IKZF4: variants seen among roughly 807,000 people sequenced by gnomAD.
The protein encoded by IKZF4 is zinc finger protein Eos.
Under a neutral mutation model 47.7 loss-of-function variants are expected in IKZF4, and 11 were observed. The observed-to-expected ratio is 0.23, with a 90% CI of 0.15 to 0.38. IKZF4 has a LOEUF of 0.38. Ranked by LOEUF, IKZF4 falls within the 10% of genes least tolerant of loss-of-function variation. The pLI is 1.00. For synonymous variants in IKZF4, 298 were observed against 299.4 expected, an observed-to-expected ratio of 1.00 and a Z score of 0.05; for missense variants, 557 against 784.9, an observed-to-expected ratio of 0.71 and a Z score of 3.47.
At chr12:56,028,516 G>A (rs1282556074) in intron 5 of IKZF4, among the ~76,000 whole-genome samples, 1 of 119,806 alleles carries the variant, frequency 8.3e-6, no homozygotes, top group Non-Finnish European at 1.6e-5. Context: ...CTGGGCGACT[G>A]AGCGACACTC....
intron 1 of IKZF4, among the ~76,000 whole-genome samples, chr12:56,022,515 A>G (rs1343143670): frequency 1.3e-5 from 2 of 152,148 alleles, no homozygotes; most frequent in African/African-American, 4.8e-5. Flanking sequence ...TGAGAGAGGA[A>G]CTGTTAAACT....
intron 1 of IKZF4, among the ~76,000 whole-genome samples, chr12:56,022,636 C>G (rs1269254232): frequency 6.6e-6 from 1 of 152,018 alleles, no homozygotes; most frequent in Non-Finnish European, 1.5e-5. Context: ...ATATTTTAGC[C>G]CCATGAAAGT....
intron 5 of IKZF4, among the ~76,000 whole-genome samples, chr12:56,029,049 C>G (rs568120560): frequency 6.6e-6 from 1 of 152,292 alleles, no homozygotes; most frequent in Admixed American, 6.5e-5. Flanking sequence ...CTTGAGCAAC[C>G]AGTCTGTCCT....
upstream of IKZF4, among the ~76,000 whole-genome samples, chr12:56,019,872 C>T (rs1892617923): frequency 6.6e-6 from 1 of 152,226 alleles, no homozygotes; most frequent in Admixed American, 6.5e-5. Flanking sequence ...GGCCTCTGCA[C>T]AGGATGGTTT....
intron 2 of IKZF4, chr12:56,011,626 G>GCTGA (rs1408862333): frequency 6.6e-6 from 1 of 152,174 alleles, no homozygotes; most frequent in Non-Finnish European, 1.5e-5. Context: ...GGATAATGAA[G>GCTGA]CTGAGCTGTC....
intron 5 of IKZF4, chr12:56,032,332 G>A: frequency 2.1e-6 from 1 of 487,312 alleles, no homozygotes; most frequent in Non-Finnish European, 3.7e-6. Context: ...GAAGCCACAT[G>A]CCCTAGGATT....
In IKZF4 at chr12:56,014,538, C is replaced by A. The variant is rs1463687095; in HGVS notation, c.-214+3044C>A. On this transcript the variant is annotated intron_variant, in intron 2 of 11. Transcript: ENST00000262032. ...CACACAAAATAATATGAGCATATTT[C>A]TTCCTGTAGAGCCAGCTCGACTTGT... Among the ~76,000 whole-genome samples the A allele has an allele frequency of 2.6e-5, 4 of 152,280 alleles. No homozygotes were observed. The East Asian group carries it at 7.7e-4, about 29-fold the overall frequency.
At chr12:56,025,026 T>A in intron 2 of IKZF4, 28 bp from the exon 3 acceptor site, 1 of 1,560,742 alleles carries the variant, frequency 6.4e-7, no homozygotes, top group Non-Finnish European at 8.7e-7. Flanking sequence ...GCTCCAGCTT[T>A]ACCTGCCCTC....
intron 5 of IKZF4, among the ~76,000 whole-genome samples, chr12:56,028,308 G>A (rs958371087): frequency 1.3e-5 from 2 of 151,576 alleles, no homozygotes; most frequent in Admixed American, 1.3e-4. Flanking sequence ...GGCGGATCAC[G>A]AGGTCAGGAG....
rs201882862 is a variant in IKZF4 at position 56,021,508 on chromosome 12, C to T, written c.15C>T (p.Pro5=). 27 of 1,604,906 alleles carry T rather than the reference C, an allele frequency of 1.7e-5. No homozygotes were observed. Among genetic ancestry groups the T allele is most frequent in the East Asian group, 4.5e-5 (2 of 44,256 alleles). The part of the protein sequence containing the change: MHTP[P]ALPRRFQGGG... ...GAGACGCAGACATGCATACACCACC[C>T]GCACTCCCTCGCCGTTTCCAAGGCG... The change falls in exon 1 of 8, where the codon CCC becomes CCT. Residue 5 remains proline, a synonymous_variant. Transcript: ENST00000547167.
At position 56,015,542 on chromosome 12, in the gene IKZF4, T is replaced by C. The variant is rs557961574; in HGVS notation, c.-213-2584T>C. 6.6e-5 allele frequency among the ~76,000 whole-genome samples: 10 copies of C among 151,784 alleles called. No homozygotes were observed. The South Asian group carries it at 2.1e-3, about 32-fold the overall frequency. On this transcript the variant is annotated intron_variant, in intron 2 of 11. Coordinates refer to the IKZF4 transcript ENST00000262032. ...CCGAGTAGATGGGATTATAGGTGTG[T>C]ACCACCACACCCAGCTAATTTTTTT...
At chr12:56,012,798 CTT>C in intron 2 of IKZF4, among the ~76,000 whole-genome samples, 1 of 152,206 alleles carries the variant, frequency 6.6e-6, no homozygotes, top group East Asian at 1.9e-4. Context: ...ATGGAGGACT[CTT>C]GTTTATGCCA....
At chr12:56,011,959 T>G (rs1047617199) in intron 2 of IKZF4, among the ~76,000 whole-genome samples, 1 of 152,110 alleles carries the variant, frequency 6.6e-6, no homozygotes, top group Non-Finnish European at 1.5e-5. Context: ...TTGCTCAGAT[T>G]TCACTCAGTT....
chr12:56,023,945 C>A, intron 2 of IKZF4, 181 bp downstream of exon 2: 1 of 984,288 alleles, frequency 1.0e-6, no homozygotes, highest in Non-Finnish European at 1.2e-6. Context: ...AGAAGGCTAC[C>A]AGTATGTTTA....
intron 3 of IKZF4, among the ~76,000 whole-genome samples, chr12:56,025,819 C>T (rs1338618595): frequency 6.6e-6 from 1 of 152,200 alleles, no homozygotes; most frequent in Admixed American, 6.5e-5. Flanking sequence ...CCACTGTTAA[C>T]TTGCTGGCTT....
At chr12:56,027,064 G>A (rs781223155) in intron 4 of IKZF4, 23 bp downstream of exon 4, 18 of 1,480,814 alleles carry the variant, frequency 1.2e-5, no homozygotes, top group South Asian at 1.4e-5. Context: ...GAGGGGCTCT[G>A]GGAGGAGCTC....
Position 56,034,974 on chromosome 12 carries a change from T to G in IKZF4, c.1401T>G (p.Val467=), listed in dbSNP as rs1256567012. 6.4e-7 allele frequency: 1 copy of G among 1,561,332 alleles called. No individual in the cohort carries two copies. Among genetic ancestry groups the G allele is most frequent in the Non-Finnish European group, 8.7e-7 (1 of 1,151,400 alleles). The change falls in exon 8 of 8, where the codon GTT becomes GTG. Residue 467 remains valine (V), a synonymous_variant. Transcript: ENST00000547167. The part of the protein sequence containing the change: ...TDTESNHEDR[V]AGVVSLPQGP... ...CAGAAAGCAACCACGAAGATCGGGT[T>G]GCGGGGGTGGTATCCCTCCCTCAGG... is the stretch of plus-strand genomic sequence containing the variant.
intron 3 of IKZF4, 72 bp from the exon 4 acceptor site, chr12:56,026,704 AAAAAG>A: frequency 7.4e-7 from 1 of 1,351,408 alleles, no homozygotes; most frequent in Non-Finnish European, 9.6e-7. Context: ...AAAAAAAAAA[AAAAAG>A]AGTGCCATTC....
In IKZF4 at chr12:56,027,053, A is replaced by C; in HGVS notation, c.547+12A>C. ...GCGCAGTCACACTGGTAAGTAAGCC[A>C]GAGGGGCTCTGGGAGGAGCTCCCAG... On this transcript the variant is annotated intron_variant, in intron 4 of 7. Transcript: ENST00000547167. 3 of 1,498,400 alleles carry C rather than the reference A, an allele frequency of 2.0e-6. No homozygotes were observed. Among genetic ancestry groups the C allele is most frequent in the East Asian group, 2.5e-5 (1 of 40,754 alleles). 92.8% of individuals were successfully genotyped at this position (1,498,400 alleles called of 1,614,324 possible).
Sources: allele counts gnomAD v4.1 joint callset (sites outside exome capture counted in the v4.1 genomes callset), GRCh38; gene constraint gnomAD v4.1.1; transcripts MANE v1.5; gene names NCBI Gene and HGNC (gene_info 2026-07-23, HGNC 2026-07-21).